Variants in MAST2 observed in about 807,000 individuals in gnomAD.
MAST2 encodes the protein microtubule associated serine/threonine kinase 2.
Under a neutral mutation model 147.4 loss-of-function variants are expected in MAST2, and 70 were observed. The observed-to-expected ratio is 0.47, with a 90% confidence interval of 0.39 to 0.58. The LOEUF (loss-of-function observed/expected upper bound fraction) is 0.58. MAST2 is among the 20% of genes least tolerant of loss of function. The pLI is 0.00. For missense variants in MAST2, 2,080 were observed against 2,302.3 expected, an observed-to-expected ratio of 0.90 and a Z score of 1.98; for synonymous variants, 869 against 896.8, an observed-to-expected ratio of 0.97 and a Z score of 0.55.
At chr1:45,918,933 G>A (rs74825897) in intron 4 of MAST2, among the ~76,000 whole-genome samples, 2 of 151,988 alleles carry the variant, frequency 1.3e-5, no homozygotes, top group African/African-American at 4.8e-5. Context: ...GACCAGCCTG[G>A]GCAACATGGT....
intron 10 of MAST2, among the ~76,000 whole-genome samples, chr1:46,012,584 G>A (rs1233361283): frequency 2.0e-5 from 3 of 152,072 alleles, no homozygotes; most frequent in East Asian, 3.9e-4. Context: ...TGTGATTGAC[G>A]AGCACTAGAG....
chr1:45,950,073 GGAGA>G (rs1195542087), intron 4 of MAST2, among the ~76,000 whole-genome samples: 1 of 152,024 alleles, frequency 6.6e-6, no homozygotes, highest in Non-Finnish European at 1.5e-5. Flanking sequence ...ACTTGGGGGT[GGAGA>G]GAGAGAGGAG....
At chr1:45,869,149 C>G (rs1646279653) in intron 3 of MAST2, among the ~76,000 whole-genome samples, 1 of 152,080 alleles carries the variant, frequency 6.6e-6, no homozygotes. Flanking sequence ...TTTTATCCTC[C>G]TTTTCTACCT....
intron 3 of MAST2, among the ~76,000 whole-genome samples, chr1:45,845,730 T>C (rs1412129628): frequency 6.6e-6 from 1 of 152,180 alleles, no homozygotes. Flanking sequence ...AAAAATAATA[T>C]ACAATTAAAA....
At chr1:45,995,531 G>A (rs540092801) in intron 5 of MAST2, among the ~76,000 whole-genome samples, 1 of 152,250 alleles carries the variant, frequency 6.6e-6, no homozygotes, top group South Asian at 2.1e-4. Flanking sequence ...ACTCCTGGAC[G>A]GCAGCAGGAC....
chr1:45,989,508 T>C (rs756822658), intron 5 of MAST2, among the ~76,000 whole-genome samples: 2 of 152,346 alleles, frequency 1.3e-5, no homozygotes, highest in Non-Finnish European at 2.9e-5. Context: ...TTAGATTCTC[T>C]TGTCATAGTC....
intron 7 of MAST2, among the ~76,000 whole-genome samples, chr1:46,005,470 G>T (rs1409398381): frequency 6.6e-6 from 1 of 152,282 alleles, no homozygotes; most frequent in East Asian, 1.9e-4. Flanking sequence ...ATGGAGGGGG[G>T]AGTTCCCTGA....
intron 1 of MAST2, among the ~76,000 whole-genome samples, chr1:45,821,147 ACCTTGGCCTCC>A (rs1644614279): frequency 1.3e-5 from 2 of 151,662 alleles, no homozygotes; most frequent in African/African-American, 2.4e-5. Flanking sequence ...CAATCTCCCT[ACCTTGGCCTCC>A]CAGAGTGTTG....
At chr1:45,960,805 G>A (rs1184265531) in intron 5 of MAST2, among the ~76,000 whole-genome samples, 1 of 152,224 alleles carries the variant, frequency 6.6e-6, no homozygotes, top group Non-Finnish European at 1.5e-5. Flanking sequence ...GAAAGCCATG[G>A]TCACTGTTGT....
At chr1:45,996,081 TG>T (rs1311810253) in intron 5 of MAST2, among the ~76,000 whole-genome samples, 1 of 151,844 alleles carries the variant, frequency 6.6e-6, no homozygotes, top group Non-Finnish European at 1.5e-5. Flanking sequence ...TTAGTTTTTT[TG>T]CTGCTTTTTT....
intron 21 of MAST2, 146 bp from the exon 22 acceptor site, chr1:46,030,461 T>C (rs1646602753): frequency 2.0e-6 from 2 of 1,024,754 alleles, no homozygotes; most frequent in African/African-American, 1.6e-5. Context: ...GAATAACTCC[T>C]TCCCCAAATA....
chr1:45,969,774 G>A (rs906411207), intron 5 of MAST2, among the ~76,000 whole-genome samples: 6 of 152,030 alleles, frequency 3.9e-5, no homozygotes, highest in Non-Finnish European at 7.4e-5. Context: ...CACAATAAAT[G>A]TAATGTGCTT....
At chr1:45,847,885 G>A (rs531217189) in intron 3 of MAST2, among the ~76,000 whole-genome samples, 6 of 152,230 alleles carry the variant, frequency 3.9e-5, no homozygotes, top group East Asian at 1.9e-4. Context: ...GTGTTGCTTC[G>A]CACTGGTATA....
At chr1:46,026,428 A>C (rs1646413564) in intron 16 of MAST2, among the ~76,000 whole-genome samples, 1 of 152,192 alleles carries the variant, frequency 6.6e-6, no homozygotes, top group Non-Finnish European at 1.5e-5. Flanking sequence ...GAACTAGTTC[A>C]TCAAGGGCCC....
chr1:45,981,804 A>G (rs1644417033), intron 5 of MAST2, among the ~76,000 whole-genome samples: 1 of 149,308 alleles, frequency 6.7e-6, no homozygotes, highest in African/African-American at 2.5e-5. Flanking sequence ...AAAATTATTG[A>G]TTTTATTCTG....
rs79771234 is a variant in MAST2, at chr1:45,975,192, G to C, written c.592+15715G>C. Among the ~76,000 whole-genome samples the C allele has an allele frequency of 6.6e-3, 1,005 of 152,212 alleles. 12 individuals carry two copies. Among genetic ancestry groups the C allele is most frequent in the African/African-American group, 0.023 (969 of 41,528 alleles). ...GCAACCTGTTCAGGGTATGTTAAGG[G>C]CTGTACTAAATGTGTGTCCAGGGTG... On this transcript the variant is annotated intron_variant, in intron 5 of 28. Coordinates refer to ENST00000361297, the MANE Select transcript of MAST2 (RefSeq NM_015112.3).
chr1:45,842,071 C>T (rs1369447696), intron 3 of MAST2, among the ~76,000 whole-genome samples: 2 of 152,108 alleles, frequency 1.3e-5, no homozygotes, highest in African/African-American at 4.8e-5. Flanking sequence ...GGATGGTCTG[C>T]TTGATTGCCA....
intron 5 of MAST2, among the ~76,000 whole-genome samples, chr1:45,977,596 G>A (rs1644221961): frequency 6.6e-6 from 1 of 151,948 alleles, no homozygotes; most frequent in South Asian, 2.1e-4. Flanking sequence ...TCAAGAGATC[G>A]AGACCATCCT....
At position 45,811,530 on chromosome 1, in the gene MAST2, G is replaced by C. The variant is rs141257903; in HGVS notation, c.177+7458G>C. On this transcript the variant is annotated intron_variant, in intron 1 of 28. Transcript: ENST00000361297. ...ATTTTTTTGTATTTTTAGTAGAGAC[G>C]GGGTTTCACTATGTTAGTCAGGATG... Among the ~76,000 whole-genome samples, 531 of 150,596 alleles carry C rather than the reference G, an allele frequency of 3.5e-3. 6 individuals carry two copies. Among genetic ancestry groups the C allele is most frequent in the East Asian group, 0.034 (176 of 5,140 alleles).
Sources: gnomAD v4.1 joint callset for allele counts (sites outside exome capture counted in the v4.1 genomes callset) on GRCh38, gnomAD v4.1.1 for gene constraint, MANE v1.5 for transcripts, NCBI Gene and HGNC (gene_info 2026-07-23, HGNC 2026-07-21) for gene names.